ZBTB20: variants seen among roughly 807,000 people sequenced by gnomAD.
The protein encoded by ZBTB20 is zinc finger and BTB domain-containing protein 20.
Under a neutral mutation model 56.9 loss-of-function variants are expected in ZBTB20, and 9 were observed. That is an observed-to-expected ratio of 0.16 (90% CI 0.10 to 0.28). The LOEUF (loss-of-function observed/expected upper bound fraction) is 0.28, where lower values mean the gene tolerates loss of function less well. Among genes scored for constraint, ZBTB20 ranks in the 10% least tolerant of loss-of-function variants. ZBTB20 has a pLI of 1.00. For synonymous variants in ZBTB20, 417 were observed against 420.7 expected, an observed-to-expected ratio of 0.99 and a Z score of 0.11; for missense variants, 655 against 1,003.0, an observed-to-expected ratio of 0.65 and a Z score of 4.69.
At chr3:114,638,297 G>A (rs574867634) in intron 6 of ZBTB20, among the ~76,000 whole-genome samples, 1 of 152,076 alleles carries the variant, frequency 6.6e-6, no homozygotes, top group East Asian at 1.9e-4. Context: ...AGTTGTGGCA[G>A]CTATTTTGTG....
At chr3:114,974,277 A>C (rs2078009847) in intron 3 of ZBTB20, 89 bp downstream of exon 3, 1 of 152,136 alleles carries the variant, frequency 6.6e-6, no homozygotes, top group Non-Finnish European at 1.5e-5. Flanking sequence ...AAATAAAAGA[A>C]AAGTTGAGGT....
intron 2 of ZBTB20, among the ~76,000 whole-genome samples, chr3:115,017,885 A>C (rs1387086243): frequency 1.3e-5 from 2 of 151,544 alleles, no homozygotes; most frequent in African/African-American, 4.8e-5. Context: ...CATACTAAAT[A>C]ATCACACAAA....
At chr3:115,015,014 G>A (rs1430619202) in intron 2 of ZBTB20, among the ~76,000 whole-genome samples, 9 of 151,754 alleles carry the variant, frequency 5.9e-5, no homozygotes, top group Admixed American at 2.0e-4. Flanking sequence ...TTGTAGTTCT[G>A]TTATGAGGAA....
Position 115,050,922 on chromosome 3 carries a change from G to A in ZBTB20, c.-507+20297C>T, listed in dbSNP as rs2081523508. Among the ~76,000 whole-genome samples the A allele has an allele frequency of 2.0e-5, 3 of 152,114 alleles. No homozygotes were observed. In the South Asian group the frequency reaches 6.2e-4, roughly 32 times the overall value. The stretch of plus-strand genomic sequence containing the variant: ...AAACAAAGTCAATCCAAAATCATAG[G>A]AGGACAAAATTACAAACTATTGTTT... On this transcript the variant is annotated intron_variant, in intron 2 of 11. Coordinates refer to ENST00000675478, the MANE Select transcript of ZBTB20 (RefSeq NM_001348800.3).
rs578173779 is a variant in ZBTB20 at position 114,380,267 on chromosome 3, T to A, written c.149A>T (p.His50Leu). ...AGAGTTTGTCAGTGAATGTGTTGAG[T>A]GGATGAGGGCTGGGTCTGGAGACAA... ...AVLSPDPALIHSTHSLTNSHA... is the reference protein window; with the variant it reads ...AVLSPDPALILSTHSLTNSHA... Residue 50 changes from histidine to leucine, a missense_variant, in exon 10 of 12, where the codon CAC (histidine) becomes CTC (leucine). By Grantham distance (99) the His-to-Leu change is moderately conservative. Around this residue, in one of 10 missense-constraint regions of ZBTB20, gnomAD observed 79 missense variants for 78.4 expected, o/e 1.01. Transcript: ENST00000675478. 4.6e-6 allele frequency: 7 copies of A among 1,536,942 alleles called. No homozygotes were observed. The Admixed American group carries it at 1.4e-4, about 30-fold the overall frequency.
At chr3:114,452,449 A>G (rs1057271708) in intron 7 of ZBTB20, among the ~76,000 whole-genome samples, 2 of 152,188 alleles carry the variant, frequency 1.3e-5, no homozygotes, top group Non-Finnish European at 2.9e-5. Context: ...AGTGAGTTCA[A>G]GTGCTAACAC....
intron 3 of ZBTB20, among the ~76,000 whole-genome samples, chr3:114,949,945 C>T (rs2077008265): frequency 6.6e-6 from 1 of 152,068 alleles, no homozygotes; most frequent in African/African-American, 2.4e-5. Context: ...TACCTTTCAA[C>T]ATGCACATCA....
At chr3:114,766,713 T>C (rs1294528703) in intron 5 of ZBTB20, among the ~76,000 whole-genome samples, 2 of 152,082 alleles carry the variant, frequency 1.3e-5, no homozygotes, top group African/African-American at 4.8e-5. Flanking sequence ...TTCTTAACAT[T>C]TTATTTCAGC....
At chr3:114,775,771 GGAGTTGACATTT>G (rs1282560774) in intron 5 of ZBTB20, among the ~76,000 whole-genome samples, 2 of 152,146 alleles carry the variant, frequency 1.3e-5, no homozygotes, top group Admixed American at 1.3e-4. Context: ...AGTGTGACAG[GGAGTTGACATTT>G]GATTGAGCTG....
intron 6 of ZBTB20, among the ~76,000 whole-genome samples, chr3:114,609,393 A>G (rs2057390764): frequency 6.6e-6 from 1 of 152,232 alleles, no homozygotes; most frequent in Non-Finnish European, 1.5e-5. Flanking sequence ...TACAAATTGC[A>G]CAATTAATTC....
intron 1 of ZBTB20, among the ~76,000 whole-genome samples, chr3:115,118,800 A>C (rs1230997539): frequency 6.9e-6 from 1 of 144,816 alleles, no homozygotes; most frequent in East Asian, 2.0e-4. Flanking sequence ...CACTCACTGC[A>C]AGCTCCGCCT....
intron 6 of ZBTB20, among the ~76,000 whole-genome samples, chr3:114,637,538 A>G (rs956632748): frequency 2.6e-5 from 4 of 152,078 alleles, no homozygotes; most frequent in African/African-American, 7.2e-5. Context: ...AGACTATGTT[A>G]GTGTTTCCCT....
chr3:115,058,722 C>CAT (rs985746594), intron 2 of ZBTB20, among the ~76,000 whole-genome samples: 4 of 151,860 alleles, frequency 2.6e-5, no homozygotes, highest in Middle Eastern at 3.2e-3. Context: ...AGCAAGACTC[C>CAT]ATATATATAT....
chr3:114,366,000 T>C (rs551237223), intron 10 of ZBTB20, among the ~76,000 whole-genome samples: 58 of 152,308 alleles, frequency 3.8e-4, no homozygotes, highest in African/African-American at 1.4e-3. Flanking sequence ...ATGCACTACA[T>C]CATTATTTTA....
At chr3:114,363,287 T>G (rs2082070890) in intron 10 of ZBTB20, among the ~76,000 whole-genome samples, 1 of 152,222 alleles carries the variant, frequency 6.6e-6, no homozygotes, top group Admixed American at 6.5e-5. Context: ...CATGGGATTT[T>G]GACTATCTGC....
chr3:114,920,057 C>G (rs964633449), intron 3 of ZBTB20, among the ~76,000 whole-genome samples: 1 of 151,978 alleles, frequency 6.6e-6, no homozygotes. Context: ...ATAAAGTGGT[C>G]AATTCATTAA....
chr3:114,870,824 C>G (rs776124312), intron 4 of ZBTB20, among the ~76,000 whole-genome samples: 1 of 152,090 alleles, frequency 6.6e-6, no homozygotes, highest in Non-Finnish European at 1.5e-5. Context: ...ACTTTCACCT[C>G]TAAGTCTTTT....
At chr3:114,892,505 T>G (rs1292864164) in intron 4 of ZBTB20, among the ~76,000 whole-genome samples, 2 of 152,188 alleles carry the variant, frequency 1.3e-5, no homozygotes, top group African/African-American at 4.8e-5. Context: ...AAAGTATACC[T>G]CAGACCTAAT....
Position 114,806,606 on chromosome 3 carries a change from A to C in ZBTB20, c.-416-5432T>G, listed in dbSNP as rs372056051. 8.3e-4 allele frequency among the ~76,000 whole-genome samples: 126 copies of C among 152,024 alleles called. 1 individual carries two copies. The South Asian group carries it at 0.016, about 19-fold the overall frequency. ...AGTGCAAAAGTTTTAAATTTTGTTG[A>C]CATCCTAATTACCAAGGATTTTATT... On this transcript the variant is annotated intron_variant, in intron 4 of 11. Transcript: ENST00000675478.
Sources: allele counts gnomAD v4.1 joint callset (sites outside exome capture counted in the v4.1 genomes callset), GRCh38; gene constraint gnomAD v4.1.1; regional missense constraint gnomAD v4.1.1; transcripts MANE v1.5; gene names NCBI Gene and HGNC (gene_info 2026-07-23, HGNC 2026-07-21).